The following SDK1 variants were observed in gnomAD, a reference collection of about 807,000 sequenced individuals.
SDK1 encodes sidekick cell adhesion molecule 1.
In SDK1, 157 loss-of-function variants were observed where a neutral mutation model predicts 245.5. The ratio of observed to expected loss-of-function variants is 0.64; its 90% confidence interval spans 0.56 to 0.73. SDK1 has a LOEUF of 0.73. Among genes scored for constraint, SDK1 ranks in the 30% least tolerant of loss-of-function variants. The pLI is 0.00. For synonymous variants in SDK1, 1,647 were observed against 1,278.5 expected, an observed-to-expected ratio of 1.29 and a Z score of -6.15; for missense variants, 3,583 against 3,002.3, an observed-to-expected ratio of 1.19 and a Z score of -4.52.
intron 4 of SDK1, among the ~76,000 whole-genome samples, chr7:3,807,197 C>G (rs1332730626): frequency 6.6e-6 from 1 of 152,188 alleles, no homozygotes; most frequent in African/African-American, 2.4e-5. Context: ...ACCCAGGGCT[C>G]ATAGCTCTGC....
chr7:3,755,175 T>G (rs754148394), intron 4 of SDK1, among the ~76,000 whole-genome samples: 2 of 152,168 alleles, frequency 1.3e-5, no homozygotes, highest in South Asian at 2.1e-4. Flanking sequence ...TCACTCTGAT[T>G]GGAGGCTGTT....
intron 4 of SDK1, among the ~76,000 whole-genome samples, chr7:3,646,703 T>C (rs1782849984): frequency 6.6e-6 from 1 of 151,810 alleles, no homozygotes; most frequent in Non-Finnish European, 1.5e-5. Flanking sequence ...GTCTTTCTCA[T>C]CATTTAGAAG....
Position 4,266,599 on chromosome 7 carries a change from T to A in SDK1, c.*1215T>A, listed in dbSNP as rs567516930. 1.0e-6 allele frequency: 1 copy of A among 985,344 alleles called. No homozygotes were observed. The highest frequency in any genetic ancestry group is 1.1e-4 in the East Asian group (1 of 8,804). 61.0% of individuals were successfully genotyped at this position (985,344 alleles called of 1,614,324 possible). ...TTTTTTTTATTTAAAATTGTCATTG[T>A]TTGGTTTAAATTTTTCAGCTAGATG... On this transcript the variant is annotated 3_prime_UTR_variant, in exon 45 of 45. Transcript: ENST00000404826.
chr7:4,065,684 A>AGTG (rs1169705322), intron 19 of SDK1, among the ~76,000 whole-genome samples: 3 of 96,836 alleles, frequency 3.1e-5, no homozygotes, highest in African/African-American at 1.6e-4. Context: ...CACCCAGATG[A>AGTG]GTGGTTGTTG....
chr7:3,783,743 A>G (rs1780820027), intron 4 of SDK1, among the ~76,000 whole-genome samples: 1 of 152,222 alleles, frequency 6.6e-6, no homozygotes, highest in Non-Finnish European at 1.5e-5. Flanking sequence ...ATGTTGATGG[A>G]TTGGAAGAAT....
In SDK1 at chr7:4,029,167, A is replaced by G. The variant is rs376458811; in HGVS notation, c.2602+11815A>G. The stretch of plus-strand genomic sequence containing the variant: ...TGGGGGTCACTGAATTGATAGACCT[A>G]AATACCATATTCATCCTGTAGCTTG... On this transcript the variant is annotated intron_variant, in intron 17 of 44. Transcript: ENST00000404826. Among the ~76,000 whole-genome samples the G allele has an allele frequency of 3.0e-3, 450 of 148,222 alleles. 3 individuals carry two copies. Among genetic ancestry groups the G allele is most frequent in the South Asian group, 0.02 (90 of 4,520 alleles).
At chr7:3,559,254 G>A (rs570517471) in intron 1 of SDK1, among the ~76,000 whole-genome samples, 2 of 152,142 alleles carry the variant, frequency 1.3e-5, no homozygotes, top group Non-Finnish European at 2.9e-5. Context: ...CTATGATGAA[G>A]TCTGACTTGA....
chr7:3,990,894 C>T (rs1444497407), intron 14 of SDK1, among the ~76,000 whole-genome samples: 1 of 152,236 alleles, frequency 6.6e-6, no homozygotes, highest in African/African-American at 2.4e-5. Context: ...CTCCTCCAGC[C>T]AGTTAGCTTG....
rs370886414 is a variant in SDK1 at position 3,811,538 on chromosome 7, C to G, written c.714-9912C>G. The stretch of plus-strand genomic sequence containing the variant: ...GCTCTGAGCTCACATCTTCTTTGGG[C>G]TTTAATTCAGAGACCGACAATATGC... On this transcript the variant is annotated intron_variant, in intron 4 of 44. Transcript: ENST00000404826. Among the ~76,000 whole-genome samples the G allele has an allele frequency of 1.3e-3, 201 of 152,322 alleles. 1 individual carries two copies. The highest frequency in any genetic ancestry group is 4.5e-3 in the African/African-American group (185 of 41,572).
intron 5 of SDK1, among the ~76,000 whole-genome samples, chr7:3,947,842 C>T (rs1223334239): frequency 6.6e-6 from 1 of 151,978 alleles, no homozygotes; most frequent in African/African-American, 2.4e-5. Context: ...AAAAACAAGA[C>T]ATAGCAATAG....
At chr7:3,579,496 C>A (rs1003049134) in intron 1 of SDK1, among the ~76,000 whole-genome samples, 1 of 152,192 alleles carries the variant, frequency 6.6e-6, no homozygotes, top group South Asian at 2.1e-4. Flanking sequence ...TAAAAACTCT[C>A]AATAAACTAC....
chr7:3,408,500 CAA>C (rs1779110253), intron 1 of SDK1, among the ~76,000 whole-genome samples: 1 of 152,232 alleles, frequency 6.6e-6, no homozygotes, highest in Middle Eastern at 3.4e-3. Context: ...AAGTTATAAA[CAA>C]AATTTCATAC....
intron 14 of SDK1, among the ~76,000 whole-genome samples, chr7:3,994,486 T>TA (rs957362331): frequency 1.3e-5 from 2 of 151,402 alleles, no homozygotes; most frequent in African/African-American, 4.9e-5. Flanking sequence ...TACAAAAAAT[T>TA]AAAAAATTAG....
At chr7:3,512,361 C>G (rs547662800) in intron 1 of SDK1, among the ~76,000 whole-genome samples, 1 of 152,224 alleles carries the variant, frequency 6.6e-6, no homozygotes, top group South Asian at 2.1e-4. Flanking sequence ...TATGTATTCA[C>G]CTAATGAAGA....
intron 20 of SDK1, among the ~76,000 whole-genome samples, chr7:4,074,483 G>A (rs74989933): frequency 1.3e-5 from 2 of 152,148 alleles, no homozygotes; most frequent in Non-Finnish European, 2.9e-5. Flanking sequence ...GGTGTGTTGT[G>A]AGGGTTACAT....
chr7:3,885,944 T>C (rs1466698883), intron 5 of SDK1, among the ~76,000 whole-genome samples: 1 of 152,142 alleles, frequency 6.6e-6, no homozygotes, highest in East Asian at 1.9e-4. Flanking sequence ...GAGTTCTGAG[T>C]TTGGATGGTC....
chr7:4,112,203 G>T (rs369819208), intron 23 of SDK1, among the ~76,000 whole-genome samples: 3 of 152,170 alleles, frequency 2.0e-5, no homozygotes, highest in African/African-American at 7.2e-5. Flanking sequence ...AGGCAGGAAA[G>T]CTTGAAGCAA....
At chr7:4,196,275 C>A (rs113345197) in intron 35 of SDK1, among the ~76,000 whole-genome samples, 9 of 152,300 alleles carry the variant, frequency 5.9e-5, no homozygotes, top group African/African-American at 1.9e-4. Flanking sequence ...GCCCCGCCCT[C>A]GCTCAGACCA....
chr7:3,505,960 G>A (rs548066097), intron 1 of SDK1, among the ~76,000 whole-genome samples: 1 of 151,886 alleles, frequency 6.6e-6, no homozygotes, highest in Non-Finnish European at 1.5e-5. Context: ...TTTTATGTTT[G>A]TTATAAGCTC....
Sources: allele counts gnomAD v4.1 joint callset (sites outside exome capture counted in the v4.1 genomes callset), GRCh38; gene constraint gnomAD v4.1.1; transcripts MANE v1.5; gene names NCBI Gene and HGNC (gene_info 2026-07-23, HGNC 2026-07-21).